The following NXNL2 variants were observed in gnomAD, a reference collection of about 807,000 sequenced individuals.
The protein encoded by NXNL2 is nucleoredoxin like 2.
Under a neutral mutation model 11.1 loss-of-function variants are expected in NXNL2, and 7 were observed. That is an observed-to-expected ratio of 0.63 (90% CI 0.36 to 1.18). The LOEUF (loss-of-function observed/expected upper bound fraction) is 1.18, where lower values mean the gene tolerates loss of function less well. Among genes scored for constraint, NXNL2 ranks in the 50% most tolerant of loss-of-function variants. The probability of loss-of-function intolerance (pLI) is 0.02; values close to 1 mark genes in which losing one functional copy is unlikely to be tolerated. For missense variants in NXNL2, 233 were observed against 217.7 expected (o/e 1.07, Z -0.44); for synonymous variants, 109 against 101.8 (o/e 1.07, Z -0.42).
Position 88,535,345 on chromosome 9 carries a change from C to T in NXNL2, c.-90C>T. ...CAGCGCCCGGTGGTGCGGACAGAGG[C>T]GGGGCACCGCGGCGCTCGCCGCCGC... On this transcript the variant is annotated 5_prime_UTR_variant, in exon 1 of 2. Transcript: ENST00000375854. 3 of 1,310,694 alleles carry T rather than the reference C, an allele frequency of 2.3e-6. No individual in the cohort carries two copies. The highest frequency in any genetic ancestry group is 2.5e-5 in the East Asian group (1 of 39,482). 81.2% of individuals were successfully genotyped at this position (1,310,694 alleles called of 1,614,324 possible). A position where few individuals can be genotyped will look rare whatever the true frequency, so the allele number is the denominator to read the frequency against.
intron 1 of NXNL2, among the ~76,000 whole-genome samples, chr9:88,552,473 G>GTTTTTTTTT (rs59133640): frequency 2.3e-5 from 3 of 131,564 alleles, no homozygotes; most frequent in Admixed American, 7.6e-5. Context: ...AAACATGCAT[G>GTTTTTTTTT]TTTTTTTTTT....
intron 1 of NXNL2, 40 bp downstream of exon 1, chr9:88,535,776 G>T (rs1829602235): frequency 1.3e-6 from 2 of 1,491,340 alleles, no homozygotes; most frequent in Admixed American, 2.1e-5. Context: ...CGCCCGGCAC[G>T]TCTCCCCCAT....
At chr9:88,560,972 A>G (rs991764251) in intron 1 of NXNL2, among the ~76,000 whole-genome samples, 3 of 152,196 alleles carry the variant, frequency 2.0e-5, no homozygotes, top group Non-Finnish European at 4.4e-5. Context: ...ATCTTTATGC[A>G]ATTAAAAATA....
chr9:88,559,341 C>A (rs941416431), intron 1 of NXNL2, among the ~76,000 whole-genome samples: 1 of 152,174 alleles, frequency 6.6e-6, no homozygotes, highest in African/African-American at 2.4e-5. Context: ...CTATTATAGG[C>A]ACCCATGATG....
chr9:88,545,185 A>G (rs937260676), downstream of NXNL2, among the ~76,000 whole-genome samples: 1 of 152,176 alleles, frequency 6.6e-6, no homozygotes, highest in Admixed American at 6.5e-5. Context: ...TGAAATTTTC[A>G]AGGGTGTGTT....
downstream of NXNL2, among the ~76,000 whole-genome samples, chr9:88,546,148 C>CGTGTGTGTGTGTGT (rs747134247): frequency 5.9e-3 from 875 of 147,464 alleles, 8 homozygotes; most frequent in African/African-American, 0.019. Flanking sequence ...ACTGAGTGTT[C>CGTGTGTGTGTGTGT]GTGTGTGTGT....
intron 1 of NXNL2, among the ~76,000 whole-genome samples, chr9:88,564,240 G>GTCTATCTATCTA (rs201758132): frequency 6.4e-4 from 89 of 139,632 alleles, no homozygotes; most frequent in East Asian, 3.2e-3. Flanking sequence ...CTCTGATGTT[G>GTCTATCTATCTA]TCTATCTATC....
intron 1 of NXNL2, among the ~76,000 whole-genome samples, chr9:88,537,039 T>A (rs1317956910): frequency 6.6e-6 from 1 of 152,186 alleles, no homozygotes; most frequent in East Asian, 1.9e-4. Flanking sequence ...ATCATTATAG[T>A]AATTAGGCAC....
In NXNL2 at chr9:88,541,088, G is replaced by C. The variant is rs571387051; in HGVS notation, c.303-3291G>C. On this transcript the variant is annotated intron_variant, in intron 1 of 1. Coordinates refer to ENST00000375854, the MANE Select transcript of NXNL2 (RefSeq NM_001161625.2). The stretch of plus-strand genomic sequence containing the variant: ...AGCCTCCCAAGTAGCTGAGCCTACA[G>C]GTGTGCACAGCCACACCTGGTTATT... 3.8e-4 allele frequency among the ~76,000 whole-genome samples: 56 copies of C among 146,834 alleles called. 2 individuals carry two copies. The South Asian group carries it at 0.012, about 31-fold the overall frequency.
Position 88,581,549 on chromosome 9 carries a change from C to T in NXNL2, n.552-2450C>T, listed in dbSNP as rs577032206. On this transcript the variant is annotated intron_variant and non_coding_transcript_variant, in intron 1 of 1. Coordinates refer to the NXNL2 transcript ENST00000478686. ...GCCTCGTAGGTTCAAGCGATTCTCC[C>T]GCCTCAGCCGCCTCAGCCTCCCGAG... Among the ~76,000 whole-genome samples the T allele has an allele frequency of 2.4e-3, 363 of 152,226 alleles. 2 individuals are homozygous for T. Among genetic ancestry groups the T allele is most frequent in the Non-Finnish European group, 4.2e-3 (284 of 68,002 alleles).
intron 1 of NXNL2, among the ~76,000 whole-genome samples, chr9:88,543,419 A>G (rs1464851346): frequency 2.6e-5 from 4 of 151,966 alleles, no homozygotes; most frequent in Non-Finnish European, 5.9e-5. Context: ...GGTGCATGCT[A>G]CCACGCCTAG....
intron 1 of NXNL2, chr9:88,538,393 G>T (rs1156555947): frequency 2.0e-5 from 3 of 152,344 alleles, no homozygotes; most frequent in Admixed American, 1.3e-4. Context: ...AACAGTAAAG[G>T]TTATGGGCTG....
downstream of NXNL2, among the ~76,000 whole-genome samples, chr9:88,548,336 T>A (rs1289181059): frequency 1.4e-5 from 1 of 72,006 alleles, no homozygotes; most frequent in Non-Finnish European, 2.4e-5. Flanking sequence ...GAAGACTTTT[T>A]CTCAAAAAAA....
intron 1 of NXNL2, among the ~76,000 whole-genome samples, chr9:88,564,412 T>G (rs1830138271): frequency 6.6e-6 from 1 of 152,064 alleles, no homozygotes; most frequent in African/African-American, 2.4e-5. Flanking sequence ...TATCTATTTA[T>G]ATATTTATTT....
At chr9:88,563,253 TAC>T (rs908244630) in intron 1 of NXNL2, among the ~76,000 whole-genome samples, 1 of 152,206 alleles carries the variant, frequency 6.6e-6, no homozygotes, top group Non-Finnish European at 1.5e-5. Flanking sequence ...CATATGTGTG[TAC>T]ACACACACGT....
At chr9:88,559,871 T>C in intron 1 of NXNL2, among the ~76,000 whole-genome samples, 1 of 152,210 alleles carries the variant, frequency 6.6e-6, no homozygotes, top group East Asian at 1.9e-4. Flanking sequence ...GCAGGTTTTA[T>C]GAAGTCAGCC....
intron 1 of NXNL2, among the ~76,000 whole-genome samples, chr9:88,569,911 C>T (rs1307479690): frequency 1.3e-5 from 2 of 151,960 alleles, no homozygotes; most frequent in African/African-American, 2.4e-5. Flanking sequence ...ATTTCTTCTG[C>T]ACTTTTTGCC....
At chr9:88,578,660 G>T (rs1245386446), downstream of NXNL2, among the ~76,000 whole-genome samples, 3 of 152,194 alleles carry the variant, frequency 2.0e-5, no homozygotes, top group East Asian at 5.8e-4. Flanking sequence ...GCTCCACACT[G>T]CCCCCTCGTG....
exon 2 of NXNL2, chr9:88,571,141 C>T (rs1403026191): frequency 2.7e-6 from 1 of 376,596 alleles, no homozygotes; most frequent in South Asian, 2.0e-5. Context: ...TCTTAGCTCA[C>T]TGCAACCTTT....
Sources: allele counts gnomAD v4.1 joint callset (sites outside exome capture counted in the v4.1 genomes callset), GRCh38; gene constraint gnomAD v4.1.1; transcripts MANE v1.5; gene names NCBI Gene and HGNC (gene_info 2026-07-23, HGNC 2026-07-21).